Variants in ATXN3 observed in about 807,000 individuals in gnomAD.
The protein encoded by ATXN3 is ataxin-3.
In ATXN3, 28 loss-of-function variants were observed where a neutral mutation model predicts 58.2. That is an observed-to-expected ratio of 0.48 (90% confidence interval 0.36 to 0.66). The LOEUF (loss-of-function observed/expected upper bound fraction) is 0.66. Ranked by LOEUF, ATXN3 falls within the 30% of genes least tolerant of loss-of-function variation. The pLI is 0.00. For missense variants in ATXN3, 321 were observed against 422.1 expected (o/e 0.76, Z 2.10); for synonymous variants, 113 against 138.5 (o/e 0.82, Z 1.29).
chr14:92,086,288 C>T (rs1348055316), intron 6 of ATXN3, among the ~76,000 whole-genome samples: 1 of 145,762 alleles, frequency 6.9e-6, no homozygotes, highest in East Asian at 2.1e-4. Flanking sequence ...CGGGGCCAGG[C>T]GCAGTGGCTC....
At chr14:92,096,481 G>A (rs7493524) in intron 2 of ATXN3, 193 bp downstream of exon 2, 204,214 of 753,230 alleles carry the variant, frequency 0.27, 29,913 homozygotes, top group East Asian at 0.5. Flanking sequence ...AAAATTAGCC[G>A]GGCATAGTGC....
intron 1 of ATXN3, among the ~76,000 whole-genome samples, chr14:92,100,631 C>T (rs1335200667): frequency 6.6e-6 from 1 of 152,080 alleles, no homozygotes; most frequent in Non-Finnish European, 1.5e-5. Context: ...AGGGTATATA[C>T]ACTGTACACT....
intron 10 of ATXN3, among the ~76,000 whole-genome samples, chr14:92,064,630 T>C (rs2058056672): frequency 6.6e-6 from 1 of 152,178 alleles, no homozygotes; most frequent in South Asian, 2.1e-4. Flanking sequence ...AATTCCCCCA[T>C]GCTGCCCCTT....
At chr14:92,093,184 G>T in intron 5 of ATXN3, 68 bp downstream of exon 5, 1 of 1,073,438 alleles carries the variant, frequency 9.3e-7, no homozygotes, top group Non-Finnish European at 1.4e-6. Context: ...ACCACACCTG[G>T]CCCACATTTT....
intron 6 of ATXN3, among the ~76,000 whole-genome samples, chr14:92,085,817 T>C (rs948378120): frequency 1.3e-5 from 2 of 152,194 alleles, no homozygotes; most frequent in African/African-American, 4.8e-5. Context: ...TTGGTAATTA[T>C]TGACACATAG....
upstream of ATXN3, among the ~76,000 whole-genome samples, chr14:92,052,784 T>G (rs1303425652): frequency 1.3e-5 from 2 of 152,208 alleles, no homozygotes; most frequent in African/African-American, 4.8e-5. Context: ...TTGAAAATTA[T>G]GCAGCTTGCC....
chr14:92,104,160 A>T (rs2067559637), intron 1 of ATXN3, among the ~76,000 whole-genome samples: 1 of 152,254 alleles, frequency 6.6e-6, no homozygotes, highest in Admixed American at 6.5e-5. Context: ...CTTTTTTTTG[A>T]GACGGAGTCT....
chr14:92,067,913 G>A (rs1239617274), intron 10 of ATXN3, among the ~76,000 whole-genome samples: 1 of 152,146 alleles, frequency 6.6e-6, no homozygotes, highest in African/African-American at 2.4e-5. Flanking sequence ...ACTGCTGAAC[G>A]CACATGGGAG....
intron 1 of ATXN3, among the ~76,000 whole-genome samples, chr14:92,103,302 AAATAAG>A (rs55636647): frequency 0.18 from 27,109 of 152,098 alleles, 2,688 homozygotes; most frequent in Admixed American, 0.31. Flanking sequence ...AAACATGCAC[AAATAAG>A]AATGTGTGAC....
intron 2 of ATXN3, among the ~76,000 whole-genome samples, chr14:92,046,944 G>A (rs1251144633): frequency 6.6e-6 from 1 of 152,188 alleles, no homozygotes. Context: ...AAAGTATCTT[G>A]TTGAGAAGAT....
intron 3 of ATXN3, among the ~76,000 whole-genome samples, chr14:92,094,797 G>A (rs535635553): frequency 3.6e-4 from 55 of 152,278 alleles, no homozygotes; most frequent in African/African-American, 1.3e-3. Flanking sequence ...GCACAAATAG[G>A]AAACGCCAAG....
intron 1 of ATXN3, among the ~76,000 whole-genome samples, chr14:92,106,246 G>GAGAAAGGAGAAAGGA (rs1296946065): frequency 1.1e-4 from 16 of 152,126 alleles, no homozygotes; most frequent in African/African-American, 2.9e-4. Context: ...AAAGGCAGAA[G>GAGAAAGGAGAAAGGA]CAAACCCACT....
chr14:92,063,039 T>C lies in ATXN3; in HGVS notation c.*1281A>G, dbSNP rs573665148. On this transcript the variant is annotated 3_prime_UTR_variant, in exon 11 of 11. Coordinates refer to ENST00000644486, the MANE Select transcript of ATXN3 (RefSeq NM_004993.6). ...TTTTCACCAAAATGATACTATCCTA[T>C]TGACCCAGCAAGAAACTCTCTGTAC... 2 of 152,746 alleles carry C rather than the reference T, an allele frequency of 1.3e-5. No individual in the cohort carries two copies. Among genetic ancestry groups the C allele is most frequent in the African/African-American group, 4.8e-5 (2 of 41,572 alleles). The allele number at this position is 152,746 out of a possible 1,614,324, so 9.5% of individuals were successfully genotyped here.
At chr14:92,073,974 C>G (rs2059898280) in intron 9 of ATXN3, among the ~76,000 whole-genome samples, 1 of 144,792 alleles carries the variant, frequency 6.9e-6, no homozygotes, top group African/African-American at 2.6e-5. Context: ...GATTGCACCA[C>G]TGCACTCCAG....
At chr14:92,105,921 T>G (rs993975803) in intron 1 of ATXN3, among the ~76,000 whole-genome samples, 3 of 152,178 alleles carry the variant, frequency 2.0e-5, no homozygotes, top group African/African-American at 7.2e-5. Flanking sequence ...CTTCCCTGTT[T>G]AGGGGCACGC....
upstream of ATXN3, among the ~76,000 whole-genome samples, chr14:92,051,852 TTAG>T (rs1419078163): frequency 1.3e-5 from 2 of 148,592 alleles, no homozygotes; most frequent in Non-Finnish European, 3.0e-5. Flanking sequence ...CTTAGCCTCC[TTAG>T]TAGCTGGGAT....
chr14:92,095,227 G>A (rs1310281068), intron 3 of ATXN3, among the ~76,000 whole-genome samples: 1 of 152,038 alleles, frequency 6.6e-6, no homozygotes, highest in African/African-American at 2.4e-5. Context: ...TTGAGACATT[G>A]TGACTTATTA....
chr14:92,097,715 T>C (rs1566980414), intron 1 of ATXN3, among the ~76,000 whole-genome samples: 1 of 151,544 alleles, frequency 6.6e-6, no homozygotes, highest in African/African-American at 2.4e-5. Context: ...TTAGTAGCGA[T>C]ACGGTTTCAC....
At chr14:92,086,242 T>C (rs1291605689) in intron 6 of ATXN3, among the ~76,000 whole-genome samples, 4 of 69,190 alleles carry the variant, frequency 5.8e-5, no homozygotes, top group African/African-American at 3.7e-4. Context: ...ACCCTGTCTC[T>C]ACTAAAAATA....
Sources: gnomAD v4.1 joint callset for allele counts (sites outside exome capture counted in the v4.1 genomes callset) on GRCh38, gnomAD v4.1.1 for gene constraint, MANE v1.5 for transcripts, NCBI Gene and HGNC (gene_info 2026-07-23, HGNC 2026-07-21) for gene names.